The following GRIN2B variants were observed in gnomAD, a reference collection of about 807,000 sequenced individuals.
The protein encoded by GRIN2B is glutamate receptor ionotropic, NMDA 2B.
A neutral mutation model predicts 114.5 loss-of-function variants in GRIN2B; 5 were observed. That is an observed-to-expected ratio of 0.04 (90% CI 0.02 to 0.09). The LOEUF (loss-of-function observed/expected upper bound fraction) is 0.09, where lower values mean the gene tolerates loss of function less well. Ranked by LOEUF, GRIN2B falls within the 10% of genes least tolerant of loss-of-function variation. GRIN2B has a pLI of 1.00. For synonymous variants in GRIN2B, 787 were observed against 745.1 expected (o/e 1.06, Z -0.92); for missense variants, 1,108 against 1,943.5 (o/e 0.57, Z 8.08).
chr12:13,908,291 G>A (rs535507203), intron 2 of GRIN2B, among the ~76,000 whole-genome samples: 17 of 151,998 alleles, frequency 1.1e-4, no homozygotes, highest in African/African-American at 4.1e-4. Context: ...GGAAATCCTG[G>A]AAACTGTTGT....
chr12:13,878,628 G>A (rs757459487), intron 2 of GRIN2B, among the ~76,000 whole-genome samples: 10 of 152,104 alleles, frequency 6.6e-5, no homozygotes, highest in Non-Finnish European at 8.8e-5. Context: ...TCAAAGTGGC[G>A]AAAGCAAGAC....
intron 5 of GRIN2B, among the ~76,000 whole-genome samples, chr12:13,627,222 T>C (rs2216219): frequency 0.24 from 36,852 of 152,082 alleles, 5,687 homozygotes; most frequent in Middle Eastern, 0.43. Flanking sequence ...TCCCGGTTTA[T>C]GGCTATTCTG....
intron 5 of GRIN2B, among the ~76,000 whole-genome samples, chr12:13,651,880 T>TA (rs1333208576): frequency 6.6e-6 from 1 of 152,120 alleles, no homozygotes; most frequent in Admixed American, 6.6e-5. Context: ...TCCTCATCTA[T>TA]AAAACTAGGA....
intron 3 of GRIN2B, among the ~76,000 whole-genome samples, chr12:13,778,662 T>G (rs1000060485): frequency 6.6e-6 from 1 of 152,186 alleles, no homozygotes; most frequent in African/African-American, 2.4e-5. Context: ...TTTAATCAAG[T>G]GGCTCATCAA....
chr12:13,967,846 C>T (rs886190160), intron 2 of GRIN2B, among the ~76,000 whole-genome samples: 1 of 152,170 alleles, frequency 6.6e-6, no homozygotes, highest in African/African-American at 2.4e-5. Flanking sequence ...GGGGAGGGCA[C>T]TGCAGTCAGA....
At chr12:13,712,662 C>A (rs1306999322) in intron 4 of GRIN2B, among the ~76,000 whole-genome samples, 3 of 151,738 alleles carry the variant, frequency 2.0e-5, no homozygotes, top group Admixed American at 2.0e-4. Flanking sequence ...GCTTTGTTTC[C>A]ATTAGAATTT....
chr12:13,601,569 G>A (rs1949162025), intron 10 of GRIN2B, among the ~76,000 whole-genome samples: 1 of 151,634 alleles, frequency 6.6e-6, no homozygotes, highest in Non-Finnish European at 1.5e-5. Context: ...CTAGGGGTTA[G>A]GATGTGGCTA....
intron 3 of GRIN2B, among the ~76,000 whole-genome samples, chr12:13,815,732 C>CT (rs1269370403): frequency 6.6e-6 from 1 of 152,140 alleles, no homozygotes; most frequent in African/African-American, 2.4e-5. Context: ...CTCATTATGC[C>CT]TAACTTTGAA....
At chr12:13,799,235 CA>C (rs1474414958) in intron 3 of GRIN2B, among the ~76,000 whole-genome samples, 1 of 152,164 alleles carries the variant, frequency 6.6e-6, no homozygotes, top group Non-Finnish European at 1.5e-5. Flanking sequence ...CTTCCCCCTG[CA>C]GGTCCCCACA....
intron 3 of GRIN2B, among the ~76,000 whole-genome samples, chr12:13,843,955 C>G (rs1274487279): frequency 6.6e-6 from 1 of 152,198 alleles, no homozygotes; most frequent in Non-Finnish European, 1.5e-5. Context: ...TTTTAGCCTA[C>G]ATTCAACAGC....
chr12:13,797,650 T>C (rs1864440359), intron 3 of GRIN2B, among the ~76,000 whole-genome samples: 1 of 152,240 alleles, frequency 6.6e-6, no homozygotes. Flanking sequence ...CATTTCCTTA[T>C]AGGATTAAAA....
intron 4 of GRIN2B, among the ~76,000 whole-genome samples, chr12:13,684,131 G>GT (rs1005277434): frequency 7.2e-5 from 11 of 152,136 alleles, no homozygotes; most frequent in East Asian, 3.9e-4. Context: ...CCCCTGTGAG[G>GT]TTTTTTTGCA....
chr12:13,792,967 A>G (rs1864345470), intron 3 of GRIN2B, among the ~76,000 whole-genome samples: 1 of 152,244 alleles, frequency 6.6e-6, no homozygotes, highest in African/African-American at 2.4e-5. Flanking sequence ...GCAAGAATCA[A>G]TGAGATCTGG....
intron 9 of GRIN2B, 79 bp downstream of exon 9, chr12:13,611,646 G>A: frequency 7.4e-7 from 1 of 1,350,488 alleles, no homozygotes; most frequent in Admixed American, 1.7e-5. Flanking sequence ...GGAAAATGCA[G>A]ATAACAAATG....
chr12:13,879,209 G>A (rs1866034539), intron 2 of GRIN2B, among the ~76,000 whole-genome samples: 1 of 152,038 alleles, frequency 6.6e-6, no homozygotes, highest in South Asian at 2.1e-4. Context: ...AAAGCTCGAT[G>A]GTACAGCTAT....
At chr12:13,905,185 T>G (rs987042053) in intron 2 of GRIN2B, among the ~76,000 whole-genome samples, 5 of 152,202 alleles carry the variant, frequency 3.3e-5, no homozygotes, top group African/African-American at 1.2e-4. Flanking sequence ...GATATATTTT[T>G]TCTGCCTATT....
intron 5 of GRIN2B, among the ~76,000 whole-genome samples, chr12:13,632,256 A>G (rs1049367151): frequency 4.6e-5 from 7 of 152,242 alleles, no homozygotes; most frequent in Admixed American, 2.6e-4. Context: ...ACAGAAAATT[A>G]AGGTAGCACT....
Position 13,539,550 on chromosome 12 carries a change from G to A in GRIN2B, c.*23233C>T, listed in dbSNP as rs1948252134. 1 of 152,124 alleles carries A rather than the reference G, an allele frequency of 6.6e-6. No homozygotes were observed. The highest frequency in any genetic ancestry group is 1.5e-5 in the Non-Finnish European group (1 of 68,024). 9.4% of individuals were successfully genotyped at this position (152,124 alleles called of 1,614,324 possible). A position where few individuals can be genotyped will look rare whatever the true frequency, so the allele number is the denominator to read the frequency against. ...ACAGGACTGGGACTGGGAGTGGGGT[G>A]GGAAACAATCAGCAAAACAAGGGCT... On this transcript the variant is annotated 3_prime_UTR_variant, in exon 14 of 14. Coordinates refer to ENST00000609686, the MANE Select transcript of GRIN2B (RefSeq NM_000834.5).
intron 2 of GRIN2B, among the ~76,000 whole-genome samples, chr12:13,934,778 T>C (rs1190672843): frequency 1.4e-5 from 2 of 144,332 alleles, no homozygotes; most frequent in African/African-American, 2.9e-5. Flanking sequence ...GGAGTGATGC[T>C]CACCAACACT....
Sources: allele counts gnomAD v4.1 joint callset (sites outside exome capture counted in the v4.1 genomes callset), GRCh38; gene constraint gnomAD v4.1.1; transcripts MANE v1.5; gene names NCBI Gene and HGNC (gene_info 2026-07-23, HGNC 2026-07-21).